The following PANX1 variants were observed in gnomAD, a reference collection of about 807,000 sequenced individuals.
The protein encoded by PANX1 is pannexin-1.
A neutral mutation model predicts 38.7 loss-of-function variants in PANX1; 30 were observed. The ratio of observed to expected loss-of-function variants is 0.78; its 90% CI spans 0.58 to 1.05. PANX1 has a LOEUF of 1.05. Among genes scored for constraint, PANX1 ranks in the 50% least tolerant of loss-of-function variants. The probability of loss-of-function intolerance (pLI) is 0.00; values close to 1 mark genes in which losing one functional copy is unlikely to be tolerated. For synonymous variants in PANX1, 230 were observed against 212.2 expected, an observed-to-expected ratio of 1.08 and a Z score of -0.73; for missense variants, 551 against 517.2, an observed-to-expected ratio of 1.07 and a Z score of -0.63.
intron 1 of PANX1, among the ~76,000 whole-genome samples, chr11:94,131,075 G>A (rs1438688255): frequency 6.6e-6 from 1 of 152,162 alleles, no homozygotes; most frequent in Non-Finnish European, 1.5e-5. Context: ...CTCTCCCTTT[G>A]GTCAATTCCT....
In PANX1 at chr11:94,157,186, A is replaced by T. The variant is rs1476010117; in HGVS notation, c.321+3556A>T. Among the ~76,000 whole-genome samples the T allele has an allele frequency of 2.6e-5, 4 of 152,164 alleles. No homozygotes were observed. In the East Asian group the frequency reaches 7.7e-4, roughly 29 times the overall value. ...TATTGTGAATAGTGCCACAATAAAC[A>T]TACATGTACATGTGTCTTTATAGCA... On this transcript the variant is annotated intron_variant, in intron 2 of 4. Coordinates refer to ENST00000227638, the MANE Select transcript of PANX1 (RefSeq NM_015368.4).
intron 2 of PANX1, 25 bp from the exon 3 acceptor site, chr11:94,178,344 C>T (rs1256820761): frequency 6.3e-7 from 1 of 1,575,792 alleles, no homozygotes; most frequent in Non-Finnish European, 8.7e-7. Context: ...TTGTTAAGCC[C>T]ATGATTTGTT....
intron 2 of PANX1, among the ~76,000 whole-genome samples, chr11:94,159,639 A>G (rs942890739): frequency 6.6e-6 from 1 of 152,016 alleles, no homozygotes; most frequent in African/African-American, 2.4e-5. Flanking sequence ...TAGTCTTGCT[A>G]GCGGTCTATC....
chr11:94,144,638 T>G (rs1946806442), intron 1 of PANX1, among the ~76,000 whole-genome samples: 2 of 152,146 alleles, frequency 1.3e-5, no homozygotes, highest in Admixed American at 1.3e-4. Flanking sequence ...GTGCTGGCCC[T>G]TTCTTGCTGC....
chr11:94,156,305 C>T (rs907651160), intron 2 of PANX1, among the ~76,000 whole-genome samples: 2 of 152,144 alleles, frequency 1.3e-5, no homozygotes, highest in African/African-American at 4.8e-5. Context: ...CCTTAAGTTA[C>T]CTGGTATTAA....
intron 2 of PANX1, chr11:94,175,884 T>A (rs1026740340): frequency 1.0e-6 from 1 of 984,730 alleles, no homozygotes; most frequent in Non-Finnish European, 1.2e-6. Context: ...AAAGCAGCTG[T>A]CTTGGTAAGA....
intron 2 of PANX1, among the ~76,000 whole-genome samples, chr11:94,168,680 C>T (rs145383409): frequency 6.6e-6 from 1 of 151,624 alleles, no homozygotes; most frequent in South Asian, 2.1e-4. Flanking sequence ...TTGCAGATCA[C>T]ATGGTCACTG....
At chr11:94,151,400 C>T (rs570204845) in intron 1 of PANX1, among the ~76,000 whole-genome samples, 1 of 152,328 alleles carries the variant, frequency 6.6e-6, no homozygotes, top group South Asian at 2.1e-4. Flanking sequence ...TGGATACTTG[C>T]ACAATGAGGA....
At position 94,178,309 on chromosome 11, in the gene PANX1, C is replaced by T. The variant is rs552893232; in HGVS notation, c.322-60C>T. On this transcript the variant is annotated intron_variant, in intron 2 of 4. Transcript: ENST00000227638. ...GTGAGAAAATGAGAGCATCACTTGG[C>T]GCCATAGGTTACTGCATGGGGGGTT... The T allele has an allele frequency of 3.1e-4, 389 of 1,269,252 alleles. 7 individuals carry two copies. In the South Asian group the frequency reaches 4.0e-3, roughly 13 times the overall value. The allele number at this position is 1,269,252 out of a possible 1,614,324, so 78.6% of individuals were successfully genotyped here. A position where few individuals can be genotyped will look rare whatever the true frequency, so the allele number is the denominator to read the frequency against.
Position 94,181,029 on chromosome 11 carries a change from A to C in PANX1, c.*160A>C. On this transcript the variant is annotated 3_prime_UTR_variant, in exon 5 of 5. Coordinates refer to ENST00000227638, the MANE Select transcript of PANX1 (RefSeq NM_015368.4). ...GTCCCTAATGGAAATGGTGATCAAC[A>C]AAAGGTTATGGAAGAATGGTTTATG... 2 of 605,682 alleles carry C rather than the reference A, an allele frequency of 3.3e-6. No individual in the cohort carries two copies. The highest frequency in any genetic ancestry group is 5.9e-6 in the Non-Finnish European group (2 of 337,332). The allele number at this position is 605,682 out of a possible 1,614,324, so 37.5% of individuals were successfully genotyped here. A position where few individuals can be genotyped will look rare whatever the true frequency, so the allele number is the denominator to read the frequency against.
chr11:94,146,166 A>G (rs1394077777), intron 1 of PANX1, among the ~76,000 whole-genome samples: 1 of 152,244 alleles, frequency 6.6e-6, no homozygotes, highest in African/African-American at 2.4e-5. Context: ...AACATGTCGA[A>G]GGACACAGGA....
rs774290175 is a variant in PANX1 at position 94,180,910 on chromosome 11, C to T, written c.*41C>T. The T allele has an allele frequency of 6.8e-6, 8 of 1,171,272 alleles. No individual in the cohort carries two copies. The highest frequency in any genetic ancestry group is 3.4e-5 in the Admixed American group (2 of 59,122). The allele number at this position is 1,171,272 out of a possible 1,614,324, so 72.6% of individuals were successfully genotyped here. A position where few individuals can be genotyped will look rare whatever the true frequency, so the allele number is the denominator to read the frequency against. ...AGCTGTAAATCTGTGACTTCTGCGA[C>T]ATGGGATTTAATTTGGCTAAAGCAC... On this transcript the variant is annotated 3_prime_UTR_variant, in exon 5 of 5. Transcript: ENST00000227638.
rs72970704 is a variant in PANX1 at position 94,133,062 on chromosome 11, G to A, written c.181+3569G>A. 3.7e-3 allele frequency among the ~76,000 whole-genome samples: 559 copies of A among 152,372 alleles called. 4 individuals carry two copies. The highest frequency in any genetic ancestry group is 0.012 in the African/African-American group (503 of 41,592). On this transcript the variant is annotated intron_variant, in intron 1 of 4. Transcript: ENST00000227638. ...CCCACTGGGCTCCTCTCAGAAAAGA[G>A]GGACTGAGCCTGCCTGGGCCACAGA...
intron 1 of PANX1, 99 bp from the exon 2 acceptor site, chr11:94,153,391 TG>T: frequency 2.5e-6 from 3 of 1,200,014 alleles, no homozygotes; most frequent in Admixed American, 1.9e-5. Context: ...CCTCCTGTCC[TG>T]GTGCTCCCTA....
intron 1 of PANX1, among the ~76,000 whole-genome samples, chr11:94,146,874 A>C (rs1029373796): frequency 1.3e-5 from 2 of 152,184 alleles, no homozygotes; most frequent in African/African-American, 4.8e-5. Context: ...GACTATAGAT[A>C]ATTGCTTGTA....
chr11:94,148,139 C>T (rs757128999), intron 1 of PANX1, among the ~76,000 whole-genome samples: 1 of 152,138 alleles, frequency 6.6e-6, no homozygotes, highest in Non-Finnish European at 1.5e-5. Context: ...TGGTTTAAAA[C>T]ATGCATGTGC....
chr11:94,136,935 G>A (rs1010926426), intron 1 of PANX1, among the ~76,000 whole-genome samples: 4 of 152,038 alleles, frequency 2.6e-5, no homozygotes, highest in African/African-American at 7.2e-5. Context: ...GGGAGGCCTC[G>A]GGAAACACAG....
chr11:94,177,453 T>C (rs1403491553), intron 2 of PANX1, among the ~76,000 whole-genome samples: 2 of 152,024 alleles, frequency 1.3e-5, no homozygotes. Flanking sequence ...ATCATAAAGT[T>C]TTTTTGTCAT....
intron 1 of PANX1, among the ~76,000 whole-genome samples, chr11:94,147,749 G>A (rs370018233): frequency 1.1e-3 from 175 of 152,272 alleles, no homozygotes; most frequent in African/African-American, 3.8e-3. Flanking sequence ...TGGACCACGC[G>A]TTTGGCAGGT....
Sources: gnomAD v4.1 joint callset for allele counts (sites outside exome capture counted in the v4.1 genomes callset) on GRCh38, gnomAD v4.1.1 for gene constraint, MANE v1.5 for transcripts, NCBI Gene and HGNC (gene_info 2026-07-23, HGNC 2026-07-21) for gene names.